Variants in GLIS3 observed in about 807,000 individuals in gnomAD.
GLIS3 encodes GLIS family zinc finger 3.
GLIS3 carries 53 observed loss-of-function variants against 78.6 expected under a neutral mutation model. That is an observed-to-expected ratio of 0.67 (90% CI 0.54 to 0.85). The LOEUF is 0.85. Among genes scored for constraint, GLIS3 ranks in the 40% least tolerant of loss-of-function variants. The pLI, the probability that GLIS3 is intolerant of heterozygous loss-of-function variation, is 0.00. For synonymous variants in GLIS3, 684 were observed against 509.9 expected (o/e 1.34, Z -4.60); for missense variants, 1,703 against 1,231.1 (o/e 1.38, Z -5.74).
At position 4,196,474 on chromosome 9, in the gene GLIS3, G is replaced by A. The variant is rs114699065; in HGVS notation, c.389-70533C>T. 6.2e-3 allele frequency among the ~76,000 whole-genome samples: 943 copies of A among 152,320 alleles called. 2 individuals are homozygous for A. The highest frequency in any genetic ancestry group is 8.9e-3 in the Non-Finnish European group (607 of 68,038). ...TTGCTGCTCCTCACTATTTGGGTCC[G>A]CACTGCCTTTATGAGCTGTAACCCT... On this transcript the variant is annotated intron_variant, in intron 2 of 10. Transcript: ENST00000381971.
chr9:3,842,701 T>C (rs1341697416), intron 9 of GLIS3, among the ~76,000 whole-genome samples: 2 of 152,236 alleles, frequency 1.3e-5, no homozygotes, highest in Non-Finnish European at 2.9e-5. Flanking sequence ...TACGGCCGAC[T>C]CTGGAAGAAG....
the GLIS3 span, among the ~76,000 whole-genome samples, chr9:4,364,756 CTT>C: frequency 4.3e-4 from 26 of 61,096 alleles, no homozygotes; most frequent in East Asian, 1.8e-3. Context: ...TCATGTATTG[CTT>C]TTTTTTTTTT....
the GLIS3 span, among the ~76,000 whole-genome samples, chr9:4,483,085 G>T: frequency 1.3e-5 from 2 of 152,134 alleles, no homozygotes; most frequent in African/African-American, 4.8e-5. Flanking sequence ...TGTTCAATTT[G>T]AGATCATTTG....
the GLIS3 span, among the ~76,000 whole-genome samples, chr9:4,384,490 T>C: frequency 1.3e-5 from 2 of 151,348 alleles, no homozygotes; most frequent in African/African-American, 4.9e-5. Flanking sequence ...TTCTCTTTCT[T>C]TCTCTCTCTT....
At chr9:3,889,080 G>C (rs949324823) in intron 7 of GLIS3, among the ~76,000 whole-genome samples, 1 of 151,964 alleles carries the variant, frequency 6.6e-6, no homozygotes, top group Admixed American at 6.6e-5. Flanking sequence ...TCAAGAATTT[G>C]AGATACTTTC....
upstream of GLIS3, among the ~76,000 whole-genome samples, chr9:4,302,886 G>C (rs530780246): frequency 1.3e-5 from 2 of 152,284 alleles, no homozygotes; most frequent in East Asian, 1.9e-4. Context: ...TTGGCTGTTT[G>C]AGCTGGACTT....
intron 2 of GLIS3, among the ~76,000 whole-genome samples, chr9:4,167,538 C>A (rs970129414): frequency 1.3e-5 from 2 of 152,144 alleles, no homozygotes; most frequent in African/African-American, 4.8e-5. Flanking sequence ...ATTCTCCATG[C>A]CTGACAGAGT....
chr9:4,125,692 T>A, intron 3 of GLIS3, 42 bp downstream of exon 3: 2 of 1,415,784 alleles, frequency 1.4e-6, no homozygotes, highest in Non-Finnish European at 2.0e-6. Context: ...GTGGGGTGTG[T>A]TTATACCATA....
chr9:4,149,488 C>G (rs1003032669), intron 2 of GLIS3, among the ~76,000 whole-genome samples: 55 of 152,220 alleles, frequency 3.6e-4, no homozygotes, highest in African/African-American at 1.3e-3. Flanking sequence ...TCATTCTTCT[C>G]CCAAAGCTGG....
In GLIS3 at chr9:4,219,053, T is replaced by C. The variant is rs904136039; in HGVS notation, c.388+66985A>G. ...TATAAGTAAGAGCCCAATGAATAAA[T>C]GAATTTAGAACAGAAAGCAATGACT... On this transcript the variant is annotated intron_variant, in intron 2 of 10. Coordinates refer to ENST00000381971, the MANE Select transcript of GLIS3 (RefSeq NM_001042413.2). Among the ~76,000 whole-genome samples the C allele has an allele frequency of 3.9e-5, 6 of 152,226 alleles. No individual in the cohort carries two copies. The East Asian group carries it at 5.8e-4, about 15-fold the overall frequency.
chr9:4,342,765 G>T (rs527830297), intron 2 of GLIS3, among the ~76,000 whole-genome samples: 55 of 152,274 alleles, frequency 3.6e-4, no homozygotes, highest in African/African-American at 1.3e-3. Context: ...TGTCATCTCT[G>T]ATTTCAGCAG....
At chr9:3,885,471 A>G (rs982645382) in intron 7 of GLIS3, among the ~76,000 whole-genome samples, 1 of 152,146 alleles carries the variant, frequency 6.6e-6, no homozygotes, top group African/African-American at 2.4e-5. Context: ...TTACCCACAC[A>G]CTGTGAATTC....
chr9:4,397,687 AG>A, the GLIS3 span, among the ~76,000 whole-genome samples: 168 of 3,798 alleles, frequency 0.044, 2 homozygotes, highest in African/African-American at 0.058. Flanking sequence ...GAAGGGAGGG[AG>A]GGAGGGAGGG....
intron 2 of GLIS3, among the ~76,000 whole-genome samples, chr9:4,140,034 T>C (rs1158488111): frequency 6.6e-6 from 1 of 152,210 alleles, no homozygotes; most frequent in African/African-American, 2.4e-5. Flanking sequence ...TTCTTCATAT[T>C]AGATATAACT....
At chr9:4,465,998 A>T in the GLIS3 span, among the ~76,000 whole-genome samples, 1 of 152,224 alleles carries the variant, frequency 6.6e-6, no homozygotes, top group Admixed American at 6.5e-5. Flanking sequence ...CAATACAGAA[A>T]ATCAACGAAT....
intron 4 of GLIS3, among the ~76,000 whole-genome samples, chr9:4,046,807 G>A (rs1000948741): frequency 6.6e-6 from 1 of 152,196 alleles, no homozygotes; most frequent in Non-Finnish European, 1.5e-5. Context: ...TATGGGTTGA[G>A]AGACATGGCA....
chr9:4,058,802 A>C (rs1826366281), intron 4 of GLIS3, among the ~76,000 whole-genome samples: 1 of 152,074 alleles, frequency 6.6e-6, no homozygotes, highest in South Asian at 2.1e-4. Flanking sequence ...AACACAGTGA[A>C]ACCCCATCTC....
chr9:4,437,412 G>GTATA, the GLIS3 span, among the ~76,000 whole-genome samples: 1 of 82,118 alleles, frequency 1.2e-5, no homozygotes. Context: ...CTGTATGTAT[G>GTATA]TATGTATGTA....
At chr9:4,245,757 C>G (rs919621600) in intron 2 of GLIS3, among the ~76,000 whole-genome samples, 3 of 152,086 alleles carry the variant, frequency 2.0e-5, no homozygotes, top group Admixed American at 2.0e-4. Context: ...CACTATATCC[C>G]ATAAATATGT....
Sources: gnomAD v4.1 joint callset for allele counts (sites outside exome capture counted in the v4.1 genomes callset) on GRCh38, gnomAD v4.1.1 for gene constraint, MANE v1.5 for transcripts, NCBI Gene and HGNC (gene_info 2026-07-23, HGNC 2026-07-21) for gene names.